Variants in MINDY2 observed in about 807,000 individuals in gnomAD.
MINDY2 encodes ubiquitin carboxyl-terminal hydrolase MINDY-2.
In MINDY2, 52 loss-of-function variants were observed where a neutral mutation model predicts 68.2. That is an observed-to-expected ratio of 0.76 (90% CI 0.61 to 0.96). The LOEUF (loss-of-function observed/expected upper bound fraction) is 0.96. MINDY2 is among the 40% of genes least tolerant of loss of function. The probability of loss-of-function intolerance (pLI) is 0.00; values close to 1 mark genes in which losing one functional copy is unlikely to be tolerated. For synonymous variants in MINDY2, 372 were observed against 303.0 expected, an observed-to-expected ratio of 1.23 and a Z score of -2.36; for missense variants, 881 against 773.4, an observed-to-expected ratio of 1.14 and a Z score of -1.65.
intron 1 of MINDY2, among the ~76,000 whole-genome samples, chr15:58,786,078 A>G (rs541032856): frequency 2.0e-5 from 3 of 152,366 alleles, no homozygotes; most frequent in South Asian, 2.1e-4. Flanking sequence ...CTACTGGATG[A>G]CTAAATATAA....
intron 2 of MINDY2, 22 bp downstream of exon 2, chr15:58,787,985 T>A: frequency 6.5e-7 from 1 of 1,540,588 alleles, no homozygotes; most frequent in Non-Finnish European, 8.8e-7. Flanking sequence ...AAAGTGGATT[T>A]TATATCTCTT....
intron 3 of MINDY2, among the ~76,000 whole-genome samples, chr15:58,809,729 G>A (rs926400010): frequency 6.6e-6 from 1 of 152,150 alleles, no homozygotes; most frequent in East Asian, 1.9e-4. Flanking sequence ...ATATATACAT[G>A]TTTATCTCTC....
chr15:58,793,269 G>A (rs1391997716), intron 2 of MINDY2, among the ~76,000 whole-genome samples: 1 of 151,954 alleles, frequency 6.6e-6, no homozygotes, highest in Non-Finnish European at 1.5e-5. Flanking sequence ...TGGGCAACAT[G>A]GCAAAACCCC....
intron 1 of MINDY2, among the ~76,000 whole-genome samples, chr15:58,785,763 G>A (rs1358005304): frequency 6.6e-6 from 1 of 152,032 alleles, no homozygotes; most frequent in Non-Finnish European, 1.5e-5. Context: ...TGAAGCCTCC[G>A]CCTCCCGGGT....
chr15:58,822,250 TC>T (rs1274708608), intron 5 of MINDY2, among the ~76,000 whole-genome samples: 1 of 147,436 alleles, frequency 6.8e-6, no homozygotes, highest in Non-Finnish European at 1.5e-5. Flanking sequence ...TGACTCTGTA[TC>T]AAAAAAAAAA....
chr15:58,853,249 G>C (rs546357547), intron 8 of MINDY2, among the ~76,000 whole-genome samples: 48 of 151,858 alleles, frequency 3.2e-4, no homozygotes, highest in East Asian at 2.1e-3. Flanking sequence ...CACCACGCCT[G>C]GCCTAAACTG....
At chr15:58,809,247 C>T (rs2030050408) in intron 3 of MINDY2, among the ~76,000 whole-genome samples, 1 of 151,956 alleles carries the variant, frequency 6.6e-6, no homozygotes, top group Admixed American at 6.6e-5. Context: ...TCCCCCAGTC[C>T]CCTGGAAACA....
At chr15:58,814,054 CGA>C (rs1372722929) in intron 4 of MINDY2, among the ~76,000 whole-genome samples, 1 of 151,478 alleles carries the variant, frequency 6.6e-6, no homozygotes, top group Non-Finnish European at 1.5e-5. Context: ...GCTCCTGCCT[CGA>C]CCTCCCGAGT....
At chr15:58,832,649 TC>T (rs1331803587) in intron 6 of MINDY2, among the ~76,000 whole-genome samples, 1 of 151,866 alleles carries the variant, frequency 6.6e-6, no homozygotes, top group Non-Finnish European at 1.5e-5. Flanking sequence ...TGCCTCAGCC[TC>T]CCGAGTAGCT....
At chr15:58,848,852 A>G (rs1205271540) in intron 7 of MINDY2, among the ~76,000 whole-genome samples, 1 of 152,186 alleles carries the variant, frequency 6.6e-6, no homozygotes, top group African/African-American at 2.4e-5. Context: ...GAAGCTATAC[A>G]GGGGTGTTGT....
rs771326020 is a variant in MINDY2 at position 58,854,449 on chromosome 15, A to AGT, written c.1738-32_1738-31insTG. The AGT allele has an allele frequency of 3.5e-5, 56 of 1,598,136 alleles. No homozygotes were observed. In the South Asian group the frequency reaches 5.6e-4, roughly 16 times the overall value. On this transcript the variant is annotated intron_variant, in intron 8 of 8. Coordinates refer to ENST00000559228, the MANE Select transcript of MINDY2 (RefSeq NM_001040450.3). ...CATGAGTAAGTCCCTCAGAATAGTT[A>AGT]GAGTAATTTCTTGCTGTATATTTTT...
chr15:58,826,535 ACT>A (rs1389640218), intron 5 of MINDY2, among the ~76,000 whole-genome samples: 7 of 151,828 alleles, frequency 4.6e-5, no homozygotes, highest in African/African-American at 1.7e-4. Flanking sequence ...GGCCCCACAC[ACT>A]CTTTTTCCCT....
chr15:58,791,717 A>T (rs2140929788), intron 2 of MINDY2, among the ~76,000 whole-genome samples: 1 of 150,312 alleles, frequency 6.7e-6, no homozygotes, highest in Non-Finnish European at 1.5e-5. Flanking sequence ...ATATAATATA[A>T]ATTAAATTTA....
intron 1 of MINDY2, among the ~76,000 whole-genome samples, chr15:58,777,811 C>T (rs866017962): frequency 6.6e-6 from 1 of 151,884 alleles, no homozygotes; most frequent in African/African-American, 2.4e-5. Flanking sequence ...TTTATGGAGA[C>T]GGGGTCTCAC....
At chr15:58,792,356 C>G (rs529934500) in intron 2 of MINDY2, among the ~76,000 whole-genome samples, 2 of 152,174 alleles carry the variant, frequency 1.3e-5, no homozygotes, top group African/African-American at 4.8e-5. Context: ...GCCTGTAATC[C>G]CAGCATTTTG....
chr15:58,791,644 GTGTGTGTGTGTGTGTGTA>G (rs1429181659), intron 2 of MINDY2, among the ~76,000 whole-genome samples: 21 of 150,146 alleles, frequency 1.4e-4, no homozygotes, highest in African/African-American at 2.7e-4. Context: ...GTGTGTGTGT[GTGTGTGTGTGTGTGTGTA>G]TGTGTGTGTG....
At position 58,771,995 on chromosome 15, in the gene MINDY2, G is replaced by A; in HGVS notation, c.600G>A (p.Arg200=). Residue 200 remains arginine, a synonymous_variant, in exon 1 of 9, where the codon AGG becomes AGA. Transcript: ENST00000559228. Reference sequence around the variant, plus strand: ...ATAGTGAGGAGGGAGCGGAGAACAGGGTCCCTGAGGAGGAGGAGGGCGCGG... The same window carrying A: ...ATAGTGAGGAGGGAGCGGAGAACAGAGTCCCTGAGGAGGAGGAGGGCGCGG... ...EFNSEEGAEN[R]VPEEEEGAAV... is the part of the protein sequence containing the mutation. 1 of 1,588,032 alleles carries A rather than the reference G, an allele frequency of 6.3e-7. No individual in the cohort carries two copies. The highest frequency in any genetic ancestry group is 8.6e-7 in the Non-Finnish European group (1 of 1,168,224).
At chr15:58,816,056 A>C (rs1266330933) in intron 4 of MINDY2, among the ~76,000 whole-genome samples, 1 of 152,232 alleles carries the variant, frequency 6.6e-6, no homozygotes, top group South Asian at 2.1e-4. Flanking sequence ...GACTCAGCAT[A>C]GTATTTAGAA....
At chr15:58,837,505 A>C (rs1209775162) in intron 6 of MINDY2, among the ~76,000 whole-genome samples, 1 of 150,372 alleles carries the variant, frequency 6.7e-6, no homozygotes, top group East Asian at 2.0e-4. Context: ...CCCTGAGCCC[A>C]GGAGGGTGAG....
Sources: gnomAD v4.1 joint callset for allele counts (sites outside exome capture counted in the v4.1 genomes callset) on GRCh38, gnomAD v4.1.1 for gene constraint, MANE v1.5 for transcripts, NCBI Gene and HGNC (gene_info 2026-07-23, HGNC 2026-07-21) for gene names.